The following ZNF652 variants were observed in gnomAD, a reference collection of about 807,000 sequenced individuals.
The protein encoded by ZNF652 is zinc finger protein 652.
In ZNF652, 16 loss-of-function variants were observed where a neutral mutation model predicts 45.2. That is an observed-to-expected ratio of 0.35 (90% confidence interval 0.24 to 0.54). ZNF652 has a LOEUF of 0.54. Ranked by LOEUF, ZNF652 falls within the 20% of genes least tolerant of loss-of-function variation. The pLI, the probability that ZNF652 is intolerant of heterozygous loss-of-function variation, is 0.91. For synonymous variants in ZNF652, 250 were observed against 260.6 expected, an observed-to-expected ratio of 0.96 and a Z score of 0.39; for missense variants, 614 against 765.6, an observed-to-expected ratio of 0.80 and a Z score of 2.34.
chr17:49,309,892 T>C (rs530651806), intron 5 of ZNF652, among the ~76,000 whole-genome samples: 3 of 152,210 alleles, frequency 2.0e-5, no homozygotes, highest in South Asian at 2.1e-4. Context: ...GATCCAGCCA[T>C]GGGCAGAATT....
chr17:49,300,573 T>C (rs1253928676), intron 5 of ZNF652, among the ~76,000 whole-genome samples: 2 of 152,180 alleles, frequency 1.3e-5, no homozygotes, highest in African/African-American at 4.8e-5. Context: ...TCATTTTGTA[T>C]GGGATGCTGA....
chr17:49,288,649 GTCTT>G (rs2069364543), downstream of ZNF652, among the ~76,000 whole-genome samples: 1 of 152,180 alleles, frequency 6.6e-6, no homozygotes, highest in Non-Finnish European at 1.5e-5. Flanking sequence ...AGTAGAGCCT[GTCTT>G]TCTCATTGCT....
At chr17:49,351,012 TATACACACACACAC>T (rs1279819384) in intron 1 of ZNF652, among the ~76,000 whole-genome samples, 78 of 20,266 alleles carry the variant, frequency 3.8e-3, no homozygotes, top group African/African-American at 0.012. Context: ...TATATATATA[TATACACACACACAC>T]ACACACACAC....
At chr17:49,342,553 AAGGGG>A (rs1464412370) in intron 1 of ZNF652, among the ~76,000 whole-genome samples, 1 of 4,072 alleles carries the variant, frequency 2.5e-4, no homozygotes, top group African/African-American at 6.4e-4. Flanking sequence ...ATAACAGATA[AAGGGG>A]GGGGGGGGGG....
At chr17:49,342,513 C>T (rs975656981) in intron 1 of ZNF652, among the ~76,000 whole-genome samples, 1 of 131,700 alleles carries the variant, frequency 7.6e-6, no homozygotes, top group Non-Finnish European at 1.5e-5. Flanking sequence ...CTGCAACTTT[C>T]GAGCAAGACT....
At chr17:49,314,553 G>A (rs1421615235) in intron 2 of ZNF652, among the ~76,000 whole-genome samples, 1 of 152,110 alleles carries the variant, frequency 6.6e-6, no homozygotes, top group Non-Finnish European at 1.5e-5. Flanking sequence ...CAGTTCCAGA[G>A]CTCTCTTGTA....
chr17:49,316,345 G>A (rs980524783), intron 2 of ZNF652, among the ~76,000 whole-genome samples: 1 of 152,148 alleles, frequency 6.6e-6, no homozygotes, highest in Non-Finnish European at 1.5e-5. Context: ...AATGGTAAAA[G>A]CAAACTCACT....
At position 49,305,651 on chromosome 17, in the gene ZNF652, C is replaced by A. The variant is rs185008374; in HGVS notation, c.1309+5661G>T. ...GCATTTTACCTGCTATTATCATCATCATCAACACCATCATTACCATTCACC... is the reference window on the plus strand; with the variant it reads ...GCATTTTACCTGCTATTATCATCATAATCAACACCATCATTACCATTCACC... On this transcript the variant is annotated intron_variant, in intron 5 of 5. Coordinates refer to ENST00000430262, the MANE Select transcript of ZNF652 (RefSeq NM_001145365.3). Among the ~76,000 whole-genome samples, 463 of 152,294 alleles carry A rather than the reference C, an allele frequency of 3.0e-3. 1 individual carries two copies. The highest frequency in any genetic ancestry group is 0.011 in the African/African-American group (443 of 41,548).
chr17:49,355,860 T>A (rs61286260), intron 1 of ZNF652, among the ~76,000 whole-genome samples: 3 of 151,842 alleles, frequency 2.0e-5, no homozygotes, highest in African/African-American at 7.3e-5. Context: ...ATTGCACCAT[T>A]TGTACTGAAG....
Position 49,298,222 on chromosome 17 carries a change from T to G in ZNF652, c.*191A>C. On this transcript the variant is annotated 3_prime_UTR_variant, in exon 6 of 6. Coordinates refer to ENST00000430262, the MANE Select transcript of ZNF652 (RefSeq NM_001145365.3). ...AGTTCAGTGGTTCCCCTGGTTTAGATGACAGTCCCTCTGTGAGCTCAAGGT... is the reference window on the plus strand; with the variant it reads ...AGTTCAGTGGTTCCCCTGGTTTAGAGGACAGTCCCTCTGTGAGCTCAAGGT... 1.4e-6 allele frequency: 1 copy of G among 698,698 alleles called. No individual in the cohort carries two copies. Among genetic ancestry groups the G allele is most frequent in the Non-Finnish European group, 2.3e-6 (1 of 437,890 alleles). 43.3% of individuals were successfully genotyped at this position (698,698 alleles called of 1,614,324 possible).
chr17:49,319,327 A>G (rs539085502), intron 1 of ZNF652, among the ~76,000 whole-genome samples: 22 of 146,228 alleles, frequency 1.5e-4, no homozygotes, highest in Non-Finnish European at 2.6e-4. Flanking sequence ...GTGGGGTTGA[A>G]TTTTTTTTTT....
chr17:49,325,158 A>G (rs2069943589), intron 1 of ZNF652, among the ~76,000 whole-genome samples: 1 of 152,164 alleles, frequency 6.6e-6, no homozygotes, highest in Non-Finnish European at 1.5e-5. Context: ...GGCCTTGCTC[A>G]CTAAGCTTAA....
At position 49,312,805 on chromosome 17, in the gene ZNF652, A is replaced by C; in HGVS notation, c.941T>G (p.Leu314Arg). ...CNKSFKKLWS[L>R]HEHIKIVHGY... ...ATGGACGATCTTGATATGTTCATGAAGGGACCAGAGTTTCTTGAACGATTT... is the reference window on the plus strand; with the variant it reads ...ATGGACGATCTTGATATGTTCATGACGGGACCAGAGTTTCTTGAACGATTT... The change falls in exon 3 of 6, where the codon CTT becomes CGT. Residue 314 changes from leucine (L) to arginine (R), a missense_variant. By Grantham distance (102) the Leu-to-Arg change is moderately radical. This residue lies in a region of ZNF652 where 262 missense variants were observed against 306.3 expected (regional missense o/e 0.86). Coordinates refer to ENST00000430262, the MANE Select transcript of ZNF652 (RefSeq NM_001145365.3). The C allele has an allele frequency of 6.2e-7, 1 of 1,614,116 alleles. No individual in the cohort carries two copies. Among genetic ancestry groups the C allele is most frequent in the Non-Finnish European group, 8.5e-7 (1 of 1,179,982 alleles).
At chr17:49,314,487 A>G (rs889427622) in intron 2 of ZNF652, among the ~76,000 whole-genome samples, 3 of 151,882 alleles carry the variant, frequency 2.0e-5, no homozygotes, top group African/African-American at 7.3e-5. Context: ...AATTAAAGAA[A>G]ATTTTTTTAG....
chr17:49,311,516 C>A, intron 4 of ZNF652, 60 bp from the exon 5 acceptor site: 1 of 1,552,972 alleles, frequency 6.4e-7, no homozygotes. Context: ...CCTGAGCCCA[C>A]CCTAACACAG....
chr17:49,343,345 G>A (rs2070169048), intron 1 of ZNF652, among the ~76,000 whole-genome samples: 1 of 152,264 alleles, frequency 6.6e-6, no homozygotes, highest in Non-Finnish European at 1.5e-5. Context: ...GTTACTTTTA[G>A]GATATAAGAT....
intron 1 of ZNF652, among the ~76,000 whole-genome samples, chr17:49,339,550 A>G (rs1365797541): frequency 2.6e-5 from 4 of 152,124 alleles, no homozygotes; most frequent in Admixed American, 2.0e-4. Context: ...CTTCCAAGAC[A>G]ATCTGGCCTC....
intron 5 of ZNF652, among the ~76,000 whole-genome samples, chr17:49,299,456 C>T (rs2240303): frequency 0.22 from 32,830 of 151,984 alleles, 3,706 homozygotes; most frequent in South Asian, 0.32. Flanking sequence ...TCTTGGCTCA[C>T]TGCAACCTCC....
rs1044339035 is a variant in ZNF652, at chr17:49,295,251, G to C, written c.*3162C>G. The C allele has an allele frequency of 6.6e-6, 1 of 151,466 alleles. No homozygotes were observed. Among genetic ancestry groups the C allele is most frequent in the Non-Finnish European group, 1.5e-5 (1 of 67,920 alleles). The allele number at this position is 151,466 out of a possible 1,614,324, so 9.4% of individuals were successfully genotyped here. ...GCATTTCATTATTTATATACAATAT[G>C]ATACTGATGAGGAGTCATTATATTC... On this transcript the variant is annotated 3_prime_UTR_variant, in exon 6 of 6. Coordinates refer to ENST00000430262, the MANE Select transcript of ZNF652 (RefSeq NM_001145365.3).
Sources: gnomAD v4.1 joint callset for allele counts (sites outside exome capture counted in the v4.1 genomes callset) on GRCh38, gnomAD v4.1.1 for gene constraint, gnomAD v4.1.1 regional missense constraint, MANE v1.5 for transcripts, NCBI Gene and HGNC (gene_info 2026-07-23, HGNC 2026-07-21) for gene names.